Variants in GSN observed in about 807,000 individuals in gnomAD.
GSN encodes actin-depolymerizing factor.
Under a neutral mutation model 85.7 loss-of-function variants are expected in GSN, and 56 were observed. That is an observed-to-expected ratio of 0.65 (90% CI 0.53 to 0.82). The LOEUF is 0.82. Among genes scored for constraint, GSN ranks in the 40% least tolerant of loss-of-function variants. The probability of loss-of-function intolerance (pLI) is 0.00; values close to 1 mark genes in which losing one functional copy is unlikely to be tolerated. For missense variants in GSN, 857 were observed against 979.8 expected, an observed-to-expected ratio of 0.87 and a Z score of 1.67; for synonymous variants, 373 against 399.1, an observed-to-expected ratio of 0.93 and a Z score of 0.78.
intron 2 of GSN, among the ~76,000 whole-genome samples, chr9:121,288,237 T>C (rs1203661067): frequency 6.6e-6 from 1 of 152,154 alleles, no homozygotes; most frequent in East Asian, 1.9e-4. Context: ...CTGCTTTCTG[T>C]CTCTCCGAAG....
upstream of GSN, among the ~76,000 whole-genome samples, chr9:121,266,795 G>A (rs2055228097): frequency 6.6e-6 from 1 of 152,184 alleles, no homozygotes; most frequent in South Asian, 2.1e-4. Context: ...GAAGCCCAGA[G>A]CATGGCATGA....
chr9:121,307,569 A>T (rs969034989), intron 4 of GSN, among the ~76,000 whole-genome samples: 1 of 152,184 alleles, frequency 6.6e-6, no homozygotes, highest in African/African-American at 2.4e-5. Context: ...CTCTGGACAC[A>T]ATGCTTAATC....
intron 6 of GSN, among the ~76,000 whole-genome samples, chr9:121,250,931 C>G (rs1425467187): frequency 6.6e-6 from 1 of 150,482 alleles, no homozygotes; most frequent in South Asian, 2.1e-4. Context: ...AGGTCTGGCT[C>G]CTACCTTAGC....
At chr9:121,209,347 T>G (rs991018308) in exon 2 of GSN, 1 of 143,558 alleles carries the variant, frequency 7.0e-6, no homozygotes, top group Admixed American at 7.4e-5. Flanking sequence ...AAAAAATCCT[T>G]CCTCACTGAA....
chr9:121,300,267 C>A, intron 2 of GSN: 1 of 647,590 alleles, frequency 1.5e-6, no homozygotes, highest in South Asian at 1.8e-5. Context: ...ATCTTACCTC[C>A]TGTCTCCTGA....
chr9:121,285,791 G>A (rs2057996355), intron 2 of GSN, among the ~76,000 whole-genome samples: 1 of 152,192 alleles, frequency 6.6e-6, no homozygotes, highest in South Asian at 2.1e-4. Flanking sequence ...GGGGCCCAGA[G>A]AATGGTAGTG....
chr9:121,303,208 T>A, intron 4 of GSN, 143 bp downstream of exon 4: 1 of 792,564 alleles, frequency 1.3e-6, no homozygotes, highest in Non-Finnish European at 2.1e-6. Flanking sequence ...AACATTGTGT[T>A]TAAATCCTGG....
At position 121,332,776 on chromosome 9, in the gene GSN, C is replaced by T; in HGVS notation, c.*173C>T. On this transcript the variant is annotated 3_prime_UTR_variant, in exon 18 of 18. Coordinates refer to ENST00000432226, the MANE Select transcript of GSN (RefSeq NM_198252.3). The surrounding 1 kb of genome is among the most constrained non-coding windows in gnomAD (Gnocchi z 4.8). ...AAATAGCCCTGCAAAAATTCAGAGT[C>T]CTTGCAAAATTGTCTAAAATGTCAG... 1 of 597,194 alleles carries T rather than the reference C, an allele frequency of 1.7e-6. No individual in the cohort carries two copies. Among genetic ancestry groups the T allele is most frequent in the Non-Finnish European group, 3.0e-6 (1 of 338,780 alleles). The allele number at this position is 597,194 out of a possible 1,614,324, so 37.0% of individuals were successfully genotyped here.
At chr9:121,202,568 A>G in the GSN span, among the ~76,000 whole-genome samples, 1 of 152,260 alleles carries the variant, frequency 6.6e-6, no homozygotes, top group African/African-American at 2.4e-5. Flanking sequence ...CCATCTTCCA[A>G]CTTGCTCTGC....
chr9:121,251,451 C>T (rs958124746), intron 6 of GSN, among the ~76,000 whole-genome samples: 1 of 151,810 alleles, frequency 6.6e-6, no homozygotes, highest in Non-Finnish European at 1.5e-5. Flanking sequence ...CCCAACTCGG[C>T]CTCCCAAAGT....
chr9:121,309,469 G>C (rs1231679423), intron 4 of GSN: 4 of 152,176 alleles, frequency 2.6e-5, no homozygotes, highest in African/African-American at 9.7e-5. Context: ...TTGTGGCGGG[G>C]CACCTGTCCC....
Position 121,221,388 on chromosome 9 carries a change from A to G in GSN, c.-527-9777A>G, listed in dbSNP as rs142226112. 6.1e-4 allele frequency among the ~76,000 whole-genome samples: 93 copies of G among 152,322 alleles called. No homozygotes were observed. In the East Asian group the frequency reaches 0.016, roughly 26 times the overall value. On this transcript the variant is annotated intron_variant, in intron 4 of 24. Coordinates refer to the GSN transcript ENST00000373823. ...TCATTAGGTCTTAAGAGCAGCCCCA[A>G]TTCCCAGCCCAGCCCCCAGAAGGAG...
intron 6 of GSN, among the ~76,000 whole-genome samples, chr9:121,252,420 G>C (rs1468772931): frequency 6.6e-6 from 1 of 152,186 alleles, no homozygotes; most frequent in Non-Finnish European, 1.5e-5. Flanking sequence ...GGCTCCAGGA[G>C]GCAGATTTCA....
At chr9:121,235,705 G>T (rs540308439) in intron 5 of GSN, among the ~76,000 whole-genome samples, 20 of 152,288 alleles carry the variant, frequency 1.3e-4, no homozygotes, top group African/African-American at 4.8e-4. Context: ...AAAGCTTGCT[G>T]GTTATCTTAG....
At chr9:121,301,656 A>G (rs1213230461) in intron 2 of GSN, among the ~76,000 whole-genome samples, 1 of 151,868 alleles carries the variant, frequency 6.6e-6, no homozygotes, top group Non-Finnish European at 1.5e-5. Context: ...AAAAAAAGAA[A>G]GAAAGAAAAG....
rs2061956064 is a variant in GSN, at chr9:121,318,289, A to C, written c.887-117A>C. 5 of 864,976 alleles carry C rather than the reference A, an allele frequency of 5.8e-6. No homozygotes were observed. In the Admixed American group the frequency reaches 7.0e-5, roughly 12 times the overall value. The allele number at this position is 864,976 out of a possible 1,614,324, so 53.6% of individuals were successfully genotyped here. A position where few individuals can be genotyped will look rare whatever the true frequency, so the allele number is the denominator to read the frequency against. On this transcript the variant is annotated intron_variant, in intron 8 of 17. Coordinates refer to ENST00000432226, the MANE Select transcript of GSN (RefSeq NM_198252.3). This position sits in a 1 kb window ranked among gnomAD's most constrained non-coding sequence, Gnocchi z 4.3. Reference sequence around the variant, plus strand: ...GGGGTCTCTGGCCTTGGCTGTCCACAGTCTAAGAAGAGTAGGGAGGGAAGT... The same window carrying C: ...GGGGTCTCTGGCCTTGGCTGTCCACCGTCTAAGAAGAGTAGGGAGGGAAGT...
intron 4 of GSN, among the ~76,000 whole-genome samples, chr9:121,213,271 A>G (rs1013323658): frequency 7.2e-5 from 11 of 152,208 alleles, no homozygotes; most frequent in Admixed American, 3.9e-4. Context: ...TTTTAGGACA[A>G]TAGCTGGGGT....
At chr9:121,283,075 G>A (rs1433834461) in intron 2 of GSN, 2 of 167,320 alleles carry the variant, frequency 1.2e-5, no homozygotes, top group African/African-American at 4.8e-5. Context: ...CCAGTCTCTA[G>A]TGCAGTTCCA....
In GSN at chr9:121,324,415, G is replaced by C. The variant is rs142651213; in HGVS notation, c.1326-139G>C. ...GTTGGTGTGGTTCCTGGCTCTCGTT[G>C]TTCTGAAAGAGTCCCCTTCCCTCTC... On this transcript the variant is annotated intron_variant, in intron 11 of 17. Coordinates refer to ENST00000432226, the MANE Select transcript of GSN (RefSeq NM_198252.3). The C allele has an allele frequency of 6.1e-5, 41 of 674,356 alleles. No homozygotes were observed. In the East Asian group the frequency reaches 1.1e-3, roughly 18 times the overall value. The allele number at this position is 674,356 out of a possible 1,614,324, so 41.8% of individuals were successfully genotyped here. A position where few individuals can be genotyped will look rare whatever the true frequency, so the allele number is the denominator to read the frequency against.
Sources: gnomAD v4.1 joint callset for allele counts (sites outside exome capture counted in the v4.1 genomes callset) on GRCh38, gnomAD v4.1.1 for gene constraint, Gnocchi (gnomAD v3.1) non-coding constraint, MANE v1.5 for transcripts, NCBI Gene and HGNC (gene_info 2026-07-23, HGNC 2026-07-21) for gene names.